The following CD55 variants were observed in gnomAD, a reference collection of about 807,000 sequenced individuals.
CD55 encodes the protein complement decay-accelerating factor.
A neutral mutation model predicts 45.8 loss-of-function variants in CD55; 41 were observed. The observed-to-expected ratio is 0.90, with a 90% CI of 0.70 to 1.16. The LOEUF (loss-of-function observed/expected upper bound fraction) is 1.16, where lower values mean the gene tolerates loss of function less well. Ranked by LOEUF, CD55 falls within the 50% of genes most tolerant of loss-of-function variation. The pLI is 0.00. For missense variants in CD55, 416 were observed against 469.8 expected (o/e 0.89, Z 1.06); for synonymous variants, 181 against 181.1 (o/e 1.00, Z 0.01).
intron 4 of CD55, among the ~76,000 whole-genome samples, chr1:207,326,549 T>C (rs560299200): frequency 6.6e-6 from 1 of 152,354 alleles, no homozygotes; most frequent in Non-Finnish European, 1.5e-5. Context: ...TGTACATGTC[T>C]TATCTGTTTT....
intron 4 of CD55, 113 bp from the exon 5 acceptor site, chr1:207,326,639 T>C (rs1260686642): frequency 1.1e-5 from 9 of 785,806 alleles, no homozygotes; most frequent in African/African-American, 1.7e-5. Context: ...AACTACTGTT[T>C]TATATTCACC....
At chr1:207,345,614 G>A (rs1558154550) in intron 9 of CD55, among the ~76,000 whole-genome samples, 1 of 151,932 alleles carries the variant, frequency 6.6e-6, no homozygotes, top group Non-Finnish European at 1.5e-5. Context: ...GAGAATTATT[G>A]TGTTCCTTTG....
chr1:207,337,224 C>G, intron 7 of CD55, 105 bp from the exon 8 acceptor site: 1 of 755,190 alleles, frequency 1.3e-6, no homozygotes. Flanking sequence ...GCAAAAGTTG[C>G]ATTTACGCAG....
intron 4 of CD55, among the ~76,000 whole-genome samples, 200 bp from the exon 5 acceptor site, chr1:207,326,552 T>C (rs902798159): frequency 3.9e-5 from 6 of 152,250 alleles, no homozygotes; most frequent in Non-Finnish European, 8.8e-5. Flanking sequence ...ACATGTCTTA[T>C]CTGTTTTTAC....
intron 3 of CD55, among the ~76,000 whole-genome samples, chr1:207,324,980 C>T (rs545661241): frequency 6.6e-6 from 1 of 152,020 alleles, no homozygotes; most frequent in South Asian, 2.1e-4. Flanking sequence ...TAAAATAAAA[C>T]AAGTATATAT....
intron 6 of CD55, among the ~76,000 whole-genome samples, chr1:207,334,770 G>GA (rs1381182775): frequency 6.6e-6 from 1 of 151,978 alleles, no homozygotes; most frequent in Non-Finnish European, 1.5e-5. Context: ...GAGAGAAGCA[G>GA]AAAGGAACAC....
At chr1:207,332,933 C>A (rs910002789) in intron 6 of CD55, among the ~76,000 whole-genome samples, 6 of 152,138 alleles carry the variant, frequency 3.9e-5, no homozygotes, top group Admixed American at 3.9e-4. Context: ...ACTAAGGATT[C>A]ACCTTGACCC....
At chr1:207,339,472 A>G in intron 9 of CD55, 55 bp downstream of exon 9, 1 of 1,289,518 alleles carries the variant, frequency 7.8e-7, no homozygotes, top group Non-Finnish European at 1.1e-6. Flanking sequence ...GGGATATACA[A>G]TCCATATTCC....
At position 207,360,961 on chromosome 1, in the gene CD55, C is replaced by T. The variant is rs371954089; in HGVS notation, c.*1351C>T. 37 of 152,058 alleles carry T rather than the reference C, an allele frequency of 2.4e-4. No individual in the cohort carries two copies. Among genetic ancestry groups the T allele is most frequent in the African/African-American group, 8.2e-4 (34 of 41,398 alleles). The allele number at this position is 152,058 out of a possible 1,614,324, so 9.4% of individuals were successfully genotyped here. The stretch of plus-strand genomic sequence containing the variant: ...TTCTTAAAATAAAACTTTTTTTCCT[C>T]CTTAACCACAGTTATCACAACTAGC... On this transcript the variant is annotated 3_prime_UTR_variant, in exon 10 of 10. Coordinates refer to ENST00000367064, the MANE Select transcript of CD55 (RefSeq NM_000574.5).
Position 207,331,260 on chromosome 1 carries a change from G to A in CD55, c.817G>A (p.Glu273Lys), listed in dbSNP as rs1367527886. ...TATTTATTGTACTGTGAATAATGAT[G>A]AAGGAGAGTGGAGTGGCCCACCACC... ...HSIYCTVNND[E>K]GEWSGPPPEC... Residue 273 changes from glutamate (E) to lysine (K), a missense_variant, in exon 6 of 10, where the codon GAA becomes AAA. By Grantham distance (56) the Glu-to-Lys change is moderately conservative. Transcript: ENST00000367064. 6.2e-7 allele frequency: 1 copy of A among 1,613,706 alleles called. No homozygotes were observed. The highest frequency in any genetic ancestry group is 1.3e-5 in the African/African-American group (1 of 74,920).
At chr1:207,323,930 G>T (rs1654549102) in intron 2 of CD55, among the ~76,000 whole-genome samples, 1 of 152,166 alleles carries the variant, frequency 6.6e-6, no homozygotes, top group African/African-American at 2.4e-5. Flanking sequence ...CAAAACCAAG[G>T]TGTAAACTTG....
At chr1:207,353,851 T>A (rs1655982203) in intron 9 of CD55, among the ~76,000 whole-genome samples, 1 of 152,256 alleles carries the variant, frequency 6.6e-6, no homozygotes, top group South Asian at 2.1e-4. Context: ...TCAAGCATAC[T>A]GTTTTTCAAA....
chr1:207,338,696 A>G (rs1655288079), intron 8 of CD55, among the ~76,000 whole-genome samples: 1 of 151,870 alleles, frequency 6.6e-6, no homozygotes, highest in African/African-American at 2.4e-5. Context: ...GTTTGATGCC[A>G]CTCGTCTGTA....
At position 207,322,486 on chromosome 1, in the gene CD55, T is replaced by G; in HGVS notation, c.205T>G (p.Phe69Val). Residue 69 changes from phenylalanine to valine, a missense_variant, in exon 2 of 10, where the codon TTT becomes GTT. By Grantham distance (50) the Phe-to-Val change is conservative (BLOSUM62 -1). This residue lies in a region of CD55 where 123 missense variants were observed against 105.1 expected (regional missense o/e 1.17). Coordinates refer to ENST00000367064, the MANE Select transcript of CD55 (RefSeq NM_000574.5). ...TVITYKCEES[F>V]VKIPGEKDSV... is the part of the protein sequence containing the mutation. The stretch of plus-strand genomic sequence containing the variant: ...AATAACGTACAAATGTGAAGAAAGC[T>G]TTGTGAAAATTCCTGGCGAGAAGGA... The G allele has an allele frequency of 6.2e-7, 1 of 1,614,246 alleles. No homozygotes were observed.
chr1:207,359,960 C>A lies in CD55; in HGVS notation c.*350C>A. 5.2e-6 allele frequency: 1 copy of A among 190,484 alleles called. No homozygotes were observed. Among genetic ancestry groups the A allele is most frequent in the South Asian group, 1.9e-4 (1 of 5,294 alleles). The allele number at this position is 190,484 out of a possible 1,614,324, so 11.8% of individuals were successfully genotyped here. A position where few individuals can be genotyped will look rare whatever the true frequency, so the allele number is the denominator to read the frequency against. ...TTCCACAAGATCTGTAATGTTATTTCCACTTATAAAGGAAATAAAAAATGA... is the reference window on the plus strand; with the variant it reads ...TTCCACAAGATCTGTAATGTTATTTACACTTATAAAGGAAATAAAAAATGA... On this transcript the variant is annotated 3_prime_UTR_variant, in exon 10 of 10. Transcript: ENST00000367064.
At chr1:207,350,445 T>C (rs894905342) in intron 9 of CD55, among the ~76,000 whole-genome samples, 3 of 152,156 alleles carry the variant, frequency 2.0e-5, no homozygotes, top group Admixed American at 6.5e-5. Context: ...CTCTTGTTTG[T>C]ATGTTTGGTG....
At chr1:207,322,189 TAAAAGG>T in intron 1 of CD55, 187 bp from the exon 2 acceptor site, 1 of 717,136 alleles carries the variant, frequency 1.4e-6, no homozygotes, top group South Asian at 1.5e-5. Flanking sequence ...AAAGCTGGTC[TAAAAGG>T]ATGGGAGGCC....
chr1:207,324,567 G>A lies in CD55; in HGVS notation c.295G>A (p.Glu99Lys), dbSNP rs570869398. ...DIEEFCNRSC[E>K]VPTRLNSASL... ...TTTGTTAATACTTTTAGGTAGCTGC[G>A]AGGTGCCAACAAGGCTAAATTCTGC... Residue 99 changes from glutamate to lysine, a missense_variant, in exon 3 of 10, where the codon GAG becomes AAG. Transcript: ENST00000367064. 2.6e-5 allele frequency: 41 copies of A among 1,549,536 alleles called. No individual in the cohort carries two copies. The South Asian group carries it at 4.1e-4, about 15-fold the overall frequency.
chr1:207,322,102 C>G lies in CD55; in HGVS notation c.100+237C>G, dbSNP rs60368921. ...TCGGCGTGGAGGGTTAAAGAGGCCC[C>G]GGCTGGGTTTGCGGAGCAGCCAAGC... is the stretch of plus-strand genomic sequence containing the variant. On this transcript the variant is annotated intron_variant, in intron 1 of 9. Transcript: ENST00000367064. 212 of 623,436 alleles carry G rather than the reference C, an allele frequency of 3.4e-4. No homozygotes were observed. The African/African-American group carries it at 3.5e-3, about 10-fold the overall frequency. The allele number at this position is 623,436 out of a possible 1,614,324, so 38.6% of individuals were successfully genotyped here.
Sources: gnomAD v4.1 joint callset for allele counts (sites outside exome capture counted in the v4.1 genomes callset) on GRCh38, gnomAD v4.1.1 for gene constraint, gnomAD v4.1.1 regional missense constraint, MANE v1.5 for transcripts, NCBI Gene and HGNC (gene_info 2026-07-23, HGNC 2026-07-21) for gene names.